The following VGLL4 variants were observed in gnomAD, a reference collection of about 807,000 sequenced individuals.
The protein encoded by VGLL4 is transcription cofactor vestigial-like protein 4.
Under a neutral mutation model 21.0 loss-of-function variants are expected in VGLL4, and 7 were observed. That is an observed-to-expected ratio of 0.33 (90% confidence interval 0.19 to 0.63). The LOEUF is 0.63. VGLL4 is among the 20% of genes least tolerant of loss of function. The pLI, the probability that VGLL4 is intolerant of heterozygous loss-of-function variation, is 0.78. For missense variants in VGLL4, 394 were observed against 425.7 expected (o/e 0.93, Z 0.66); for synonymous variants, 222 against 173.2 (o/e 1.28, Z -2.21).
At chr3:11,693,157 C>T in intron 2 of VGLL4, 1 of 199,692 alleles carries the variant, frequency 5.0e-6, no homozygotes, top group South Asian at 6.1e-5. Context: ...GGCAACAGAG[C>T]AAGACCCTGT....
At position 11,719,872 on chromosome 3, in the gene VGLL4, G is replaced by C. The variant is rs569661997; in HGVS notation, c.-14+522C>G. Among the ~76,000 whole-genome samples, 117 of 152,224 alleles carry C rather than the reference G, an allele frequency of 7.7e-4. No homozygotes were observed. Among genetic ancestry groups the C allele is most frequent in the Non-Finnish European group, 1.5e-3 (104 of 67,976 alleles). ...GCGCGCTGGGGCAGTGAGGTTTGTC[G>C]GGGCGGGCGCTCCCGAGAGGCGCCA... is the stretch of plus-strand genomic sequence containing the variant. On this transcript the variant is annotated intron_variant, in intron 1 of 5. Transcript: ENST00000273038. This position sits in a 1 kb window ranked among gnomAD's most constrained non-coding sequence, Gnocchi z 4.0.
intron 3 of VGLL4, among the ~76,000 whole-genome samples, chr3:11,559,814 T>C (rs1354981417): frequency 6.6e-6 from 1 of 152,026 alleles, no homozygotes; most frequent in Non-Finnish European, 1.5e-5. Flanking sequence ...CCCGTTAACG[T>C]CCCCAGAGCC....
chr3:11,640,511 C>T (rs1390269188), intron 1 of VGLL4, among the ~76,000 whole-genome samples: 1 of 152,334 alleles, frequency 6.6e-6, no homozygotes, highest in African/African-American at 2.4e-5. Flanking sequence ...CCCAGTTCTA[C>T]TAATCCGCTC....
intron 1 of VGLL4, among the ~76,000 whole-genome samples, chr3:11,613,201 A>T (rs1225491583): frequency 6.6e-6 from 1 of 152,148 alleles, no homozygotes; most frequent in Non-Finnish European, 1.5e-5. Context: ...TGGTAAAAAT[A>T]CTCAAAAAAC....
chr3:11,688,909 T>G (rs745977897), intron 2 of VGLL4, among the ~76,000 whole-genome samples: 34 of 151,802 alleles, frequency 2.2e-4, no homozygotes, highest in Non-Finnish European at 4.3e-4. Flanking sequence ...TCCCAGCTAC[T>G]CGGGAGGCTA....
intron 2 of VGLL4, among the ~76,000 whole-genome samples, chr3:11,598,425 G>A (rs1021192975): frequency 3.9e-5 from 6 of 152,018 alleles, no homozygotes; most frequent in African/African-American, 1.2e-4. Flanking sequence ...CAGCCAAACC[G>A]TGCACCTTTC....
At chr3:11,618,691 T>C (rs2075210236) in intron 1 of VGLL4, among the ~76,000 whole-genome samples, 1 of 152,186 alleles carries the variant, frequency 6.6e-6, no homozygotes, top group Non-Finnish European at 1.5e-5. Context: ...AATAATAAAG[T>C]AAAAAAGTCA....
rs1008781202 is a variant in VGLL4, at chr3:11,719,077, G to A, written c.-14+1317C>T. 7.9e-5 allele frequency among the ~76,000 whole-genome samples: 12 copies of A among 152,194 alleles called. No individual in the cohort carries two copies. Among genetic ancestry groups the A allele is most frequent in the Non-Finnish European group, 1.6e-4 (11 of 68,032 alleles). ...GGCCTGCACTGGGTGCAGGGAGAGTGTGCAGTCCTGTTTTGGGGACCGGGC... is the reference window on the plus strand; with the variant it reads ...GGCCTGCACTGGGTGCAGGGAGAGTATGCAGTCCTGTTTTGGGGACCGGGC... On this transcript the variant is annotated intron_variant, in intron 1 of 5. Transcript: ENST00000273038. This position sits in a 1 kb window ranked among gnomAD's most constrained non-coding sequence, Gnocchi z 4.0.
chr3:11,643,995 G>T, upstream of VGLL4: 1 of 990,454 alleles, frequency 1.0e-6, no homozygotes, highest in South Asian at 4.6e-5. Flanking sequence ...TGCCGAGGCA[G>T]GGAGGGCTTC....
chr3:11,581,938 T>C (rs904239731), intron 2 of VGLL4, among the ~76,000 whole-genome samples: 8 of 152,216 alleles, frequency 5.3e-5, no homozygotes, highest in African/African-American at 1.9e-4. Flanking sequence ...ACCTGAAACT[T>C]GGTTACTTCC....
At chr3:11,583,095 A>C (rs1206508243) in intron 2 of VGLL4, among the ~76,000 whole-genome samples, 2 of 152,230 alleles carry the variant, frequency 1.3e-5, no homozygotes, top group Admixed American at 6.5e-5. Context: ...GCCCAATTTA[A>C]ATTTCCACCT....
At chr3:11,706,159 C>G (rs1276483770) in intron 1 of VGLL4, among the ~76,000 whole-genome samples, 1 of 151,980 alleles carries the variant, frequency 6.6e-6, no homozygotes, top group African/African-American at 2.4e-5. Flanking sequence ...TAAGGTAGAC[C>G]CAGAATTCTA....
At chr3:11,656,155 CA>C (rs1314265294) in intron 2 of VGLL4, among the ~76,000 whole-genome samples, 1 of 152,194 alleles carries the variant, frequency 6.6e-6, no homozygotes. Context: ...TACAAAGGCT[CA>C]TGATCCCTAA....
At chr3:11,678,275 C>T (rs1041409616) in intron 2 of VGLL4, among the ~76,000 whole-genome samples, 1 of 152,192 alleles carries the variant, frequency 6.6e-6, no homozygotes, top group Non-Finnish European at 1.5e-5. Flanking sequence ...AGGCTGGTCT[C>T]AAACTCCTGA....
chr3:11,690,404 T>A (rs1400667912), intron 2 of VGLL4, among the ~76,000 whole-genome samples: 2 of 152,204 alleles, frequency 1.3e-5, no homozygotes, highest in Non-Finnish European at 2.9e-5. Flanking sequence ...GCCATTTTAC[T>A]CCTAAAAATC....
intron 1 of VGLL4, among the ~76,000 whole-genome samples, chr3:11,704,371 G>A (rs1195674466): frequency 8.3e-4 from 74 of 89,042 alleles, no homozygotes; most frequent in African/African-American, 2.8e-3. Flanking sequence ...CAACAAAAGG[G>A]AAACTCCGTC....
At chr3:11,655,749 C>T (rs7651198) in intron 2 of VGLL4, among the ~76,000 whole-genome samples, 38,663 of 151,940 alleles carry the variant, frequency 0.25, 6,476 homozygotes, top group African/African-American at 0.47. Flanking sequence ...CGGCTGGTGG[C>T]GGGGGGTTTC....
intron 1 of VGLL4, among the ~76,000 whole-genome samples, chr3:11,619,255 A>G (rs551544366): frequency 1.3e-5 from 2 of 152,358 alleles, no homozygotes; most frequent in South Asian, 4.1e-4. Flanking sequence ...AATGGACTAG[A>G]TGACATTCCT....
intron 1 of VGLL4, among the ~76,000 whole-genome samples, chr3:11,710,066 G>A (rs1247423071): frequency 6.6e-6 from 1 of 152,178 alleles, no homozygotes; most frequent in Non-Finnish European, 1.5e-5. Context: ...AAAGAGGCAA[G>A]AAGGTGCCAC....
Sources: allele counts gnomAD v4.1 joint callset (sites outside exome capture counted in the v4.1 genomes callset), GRCh38; gene constraint gnomAD v4.1.1; non-coding constraint Gnocchi (gnomAD v3.1); transcripts MANE v1.5; gene names NCBI Gene and HGNC (gene_info 2026-07-23, HGNC 2026-07-21).